ZNF808: variants seen among roughly 807,000 people sequenced by gnomAD.
ZNF808 encodes zinc finger protein 808.
Under a neutral mutation model 8.7 loss-of-function variants are expected in ZNF808, and 5 were observed. The observed-to-expected ratio is 0.58, with a 90% CI of 0.30 to 1.21. The LOEUF is 1.21. ZNF808 is among the 50% of genes most tolerant of loss of function. ZNF808 has a pLI of 0.07. For synonymous variants in ZNF808, 380 were observed against 366.0 expected (o/e 1.04, Z -0.44); for missense variants, 1,103 against 1,098.4 (o/e 1.00, Z -0.06).
chr19:52,533,375 C>T (rs2608522), intron 2 of ZNF808, among the ~76,000 whole-genome samples: 48,285 of 151,680 alleles, frequency 0.32, 8,424 homozygotes, highest in East Asian at 0.5. Context: ...TACAGGCACC[C>T]GCTATAATGC....
At chr19:52,531,789 A>C (rs1317593240) in intron 1 of ZNF808, among the ~76,000 whole-genome samples, 3 of 152,162 alleles carry the variant, frequency 2.0e-5, no homozygotes, top group Admixed American at 6.5e-5. Context: ...AAGGGCAATG[A>C]ATATATATAA....
Position 52,554,518 on chromosome 19 carries a change from T to A in ZNF808, c.1602T>A (p.Thr534=). 1 of 1,614,104 alleles carries A rather than the reference T, an allele frequency of 6.2e-7. No homozygotes were observed. The change falls in exon 5 of 5, where the codon ACT becomes ACA. Residue 534 remains threonine, a synonymous_variant. Transcript: ENST00000359798. ...ASLVYHRRLH[T]LEKSYKCTVC... ...TTGTATACCATCGTAGACTTCACAC[T>A]CTAGAGAAATCTTACAAATGTACGG...
intron 4 of ZNF808, among the ~76,000 whole-genome samples, chr19:52,548,142 T>C (rs1206359533): frequency 6.6e-6 from 1 of 152,148 alleles, no homozygotes; most frequent in Admixed American, 6.5e-5. Context: ...CAGTCAGTGG[T>C]GTTGCAATTC....
At chr19:52,568,144 G>A (rs2059877210), downstream of ZNF808, among the ~76,000 whole-genome samples, 1 of 152,188 alleles carries the variant, frequency 6.6e-6, no homozygotes, top group African/African-American at 2.4e-5. Context: ...GGCTGAGGCG[G>A]GCGGATCGCC....
At chr19:52,547,010 C>T (rs1443201241) in intron 3 of ZNF808, among the ~76,000 whole-genome samples, 7 of 138,674 alleles carry the variant, frequency 5.0e-5, no homozygotes, top group South Asian at 2.3e-4. Context: ...GGCAGTGGTG[C>T]GATCTTGGCT....
intron 4 of ZNF808, among the ~76,000 whole-genome samples, chr19:52,549,518 T>C (rs2059754717): frequency 6.6e-6 from 1 of 152,194 alleles, no homozygotes; most frequent in Non-Finnish European, 1.5e-5. Context: ...ATCTCTTTCA[T>C]TCTTGTCCCT....
At chr19:52,538,610 A>G (rs1395029229) in intron 2 of ZNF808, among the ~76,000 whole-genome samples, 2 of 143,204 alleles carry the variant, frequency 1.4e-5, no homozygotes, top group Non-Finnish European at 3.0e-5. Flanking sequence ...CGTGGGCAAT[A>G]AGAGCGAAAC....
intron 2 of ZNF808, among the ~76,000 whole-genome samples, chr19:52,539,056 T>TG (rs1214703233): frequency 8.6e-5 from 13 of 151,538 alleles, no homozygotes; most frequent in Admixed American, 4.6e-4. Context: ...GGGTCGGGAG[T>TG]GGGGGAGAGA....
At chr19:52,564,874 C>T (rs562367576), downstream of ZNF808, among the ~76,000 whole-genome samples, 39 of 152,040 alleles carry the variant, frequency 2.6e-4, no homozygotes, top group Non-Finnish European at 2.6e-4. Flanking sequence ...ATCACGAGGT[C>T]GGGAGATTGA....
rs1555765713 is a variant in ZNF808 at position 52,543,248 on chromosome 19, AT to A, written c.-19-10del. ...TGAGTCATTTCTAACATGAAGTCTT[AT>A]TTTTTTTCACATACAGGATTGATTT... On this transcript the variant is annotated splice_polypyrimidine_tract_variant and intron_variant, in intron 2 of 4. Coordinates refer to ENST00000359798, the MANE Select transcript of ZNF808 (RefSeq NM_001039886.4). 2.1e-5 allele frequency: 34 copies of A among 1,606,908 alleles called. No individual in the cohort carries two copies. Among genetic ancestry groups the A allele is most frequent in the Admixed American group, 1.2e-4 (7 of 58,876 alleles).
In ZNF808 at chr19:52,553,888, T is replaced by C. The variant is rs768636204; in HGVS notation, c.972T>C (p.Phe324=). The C allele has an allele frequency of 2.2e-5, 35 of 1,614,066 alleles. No homozygotes were observed. Among genetic ancestry groups the C allele is most frequent in the Non-Finnish European group, 2.5e-5 (30 of 1,180,006 alleles). The change falls in exon 5 of 5, where the codon TTT becomes TTC. Residue 324 remains phenylalanine, a synonymous_variant. Transcript: ENST00000359798. The part of the protein sequence containing the change: ...PYKCNECGKV[F]RQNSALVIHK... ...AGTGTAATGAGTGTGGCAAGGTCTT[T>C]CGTCAAAATTCAGCCCTTGTAATTC... is the stretch of plus-strand genomic sequence containing the variant.
intron 4 of ZNF808, among the ~76,000 whole-genome samples, chr19:52,548,821 T>C (rs2059747848): frequency 1.3e-5 from 2 of 152,140 alleles, no homozygotes; most frequent in Admixed American, 1.3e-4. Context: ...TTTACTATTA[T>C]AAATAATACT....
downstream of ZNF808, among the ~76,000 whole-genome samples, chr19:52,560,664 G>T (rs942006212): frequency 6.6e-5 from 10 of 152,040 alleles, no homozygotes; most frequent in African/African-American, 2.4e-4. Flanking sequence ...CTTGTCCCTT[G>T]CCCATATTGT....
At chr19:52,561,188 C>T (rs867420001), downstream of ZNF808, among the ~76,000 whole-genome samples, 2 of 76,720 alleles carry the variant, frequency 2.6e-5, no homozygotes, top group African/African-American at 9.5e-5. Context: ...CTCTCTCTCT[C>T]TCTCTCTCTC....
At chr19:52,548,290 G>A (rs2059742998) in intron 4 of ZNF808, among the ~76,000 whole-genome samples, 1 of 152,182 alleles carries the variant, frequency 6.6e-6, no homozygotes, top group African/African-American at 2.4e-5. Flanking sequence ...TCAGTTTGTT[G>A]TAGGATCAAC....
chr19:52,562,998 A>G (rs1465477212), intron 3 of ZNF808, among the ~76,000 whole-genome samples: 1 of 151,166 alleles, frequency 6.6e-6, no homozygotes, highest in Admixed American at 6.6e-5. Context: ...CTGGTCTCCA[A>G]CTCCTGACCC....
At chr19:52,562,136 G>T (rs974314621) in intron 3 of ZNF808, among the ~76,000 whole-genome samples, 5 of 152,276 alleles carry the variant, frequency 3.3e-5, no homozygotes, top group African/African-American at 4.8e-5. Context: ...TCAGCACTTT[G>T]GGAGGCTGAG....
At chr19:52,528,442 C>T (rs953492622) in intron 1 of ZNF808, among the ~76,000 whole-genome samples, 24 of 152,162 alleles carry the variant, frequency 1.6e-4, no homozygotes, top group African/African-American at 5.8e-4. Flanking sequence ...AGGCCCATAA[C>T]AGATGGCAAA....
Position 52,554,136 on chromosome 19 carries a change from C to T in ZNF808, c.1220C>T (p.Ala407Val). ...TACAAGTGTAATGAGTGTGGTAAGG[C>T]TTTTAATCATCAATCAAGCCTTGCA... ...KTYKCNECGK[A>V]FNHQSSLARH... The change falls in exon 5 of 5, where the codon GCT becomes GTT. Residue 407 changes from alanine to valine, a missense_variant. Physicochemically the swap from Ala to Val is moderately conservative, Grantham distance 64 (BLOSUM62 0). Coordinates refer to ENST00000359798, the MANE Select transcript of ZNF808 (RefSeq NM_001039886.4). The T allele has an allele frequency of 6.2e-7, 1 of 1,614,076 alleles. No homozygotes were observed. The highest frequency in any genetic ancestry group is 8.5e-7 in the Non-Finnish European group (1 of 1,180,022).
Sources: gnomAD v4.1 joint callset for allele counts (sites outside exome capture counted in the v4.1 genomes callset) on GRCh38, gnomAD v4.1.1 for gene constraint, MANE v1.5 for transcripts, NCBI Gene and HGNC (gene_info 2026-07-23, HGNC 2026-07-21) for gene names.